Variants in TRPC5 observed in about 807,000 individuals in gnomAD.
The protein encoded by TRPC5 is transient receptor potential cation channel subfamily C member 5, also known as short transient receptor potential channel 5.
TRPC5 carries 9 observed loss-of-function variants against 56.5 expected under a neutral mutation model. That is an observed-to-expected ratio of 0.16 (90% CI 0.10 to 0.28). The LOEUF is 0.28. Among genes scored for constraint, TRPC5 ranks in the 10% least tolerant of loss-of-function variants. The pLI is 1.00. For synonymous variants in TRPC5, 282 were observed against 278.5 expected, an observed-to-expected ratio of 1.01 and a Z score of -0.13; for missense variants, 469 against 748.9, an observed-to-expected ratio of 0.63 and a Z score of 4.36.
At chrX:112,069,593 G>T (rs1196341486) in intron 1 of TRPC5, among the ~76,000 whole-genome samples, 1 of 112,205 alleles carries the variant, frequency 8.9e-6, no homozygotes, top group Non-Finnish European at 1.9e-5. Context: ...GGCCCAGTGG[G>T]CACCTTTTTA....
intron 7 of TRPC5, among the ~76,000 whole-genome samples, chrX:111,801,086 A>C (rs1443489515): frequency 4.5e-5 from 5 of 112,003 alleles, no homozygotes; most frequent in Non-Finnish European, 9.4e-5. Context: ...ACCACTAATC[A>C]TTCTACTTTC....
intron 2 of TRPC5, among the ~76,000 whole-genome samples, chrX:111,930,334 T>C (rs768735724): frequency 9.0e-6 from 1 of 111,157 alleles, no homozygotes; most frequent in Non-Finnish European, 1.9e-5. Flanking sequence ...TTTTGTATTT[T>C]AAGTAGAGAT....
At chrX:111,814,325 A>G (rs1231267308) in intron 7 of TRPC5, among the ~76,000 whole-genome samples, 1 of 109,072 alleles carries the variant, frequency 9.2e-6, no homozygotes, top group Non-Finnish European at 1.9e-5. Context: ...CCCTCCCACA[A>G]AACAGTCCAC....
At chrX:111,988,368 T>G (rs1304509878) in intron 1 of TRPC5, among the ~76,000 whole-genome samples, 1 of 111,338 alleles carries the variant, frequency 9.0e-6, no homozygotes, top group Non-Finnish European at 1.9e-5. Flanking sequence ...GCTCTATTGA[T>G]TGCAATCTTT....
At chrX:111,890,263 G>A (rs1924736836) in intron 3 of TRPC5, among the ~76,000 whole-genome samples, 1 of 111,901 alleles carries the variant, frequency 8.9e-6, no homozygotes, top group Non-Finnish European at 1.9e-5. Context: ...TGTGGCCCAG[G>A]ACAGCTTTGA....
chrX:111,809,472 C>T (rs1344857877), intron 7 of TRPC5, among the ~76,000 whole-genome samples: 2 of 111,439 alleles, frequency 1.8e-5, no homozygotes, highest in Admixed American at 1.9e-4. Context: ...ATGTCTCAGC[C>T]ACTATGCTCT....
intron 7 of TRPC5, among the ~76,000 whole-genome samples, chrX:111,832,808 C>T (rs1005499190): frequency 2.7e-5 from 3 of 111,094 alleles, no homozygotes; most frequent in African/African-American, 9.8e-5. Context: ...AAACTTACTA[C>T]CAGCAGGTGG....
chrX:112,018,892 A>G (rs1284880493), intron 1 of TRPC5, among the ~76,000 whole-genome samples: 1 of 111,940 alleles, frequency 8.9e-6, no homozygotes, highest in Non-Finnish European at 1.9e-5. Context: ...GCGACCTCTC[A>G]GCTCCTAGAA....
At chrX:112,007,100 G>T (rs761272569) in intron 1 of TRPC5, among the ~76,000 whole-genome samples, 6 of 110,784 alleles carry the variant, frequency 5.4e-5, no homozygotes, top group Non-Finnish European at 9.4e-5. Context: ...CTGGGGTGGT[G>T]GTGGTGAGGC....
Position 111,967,054 on chromosome X carries a change from T to C in TRPC5, c.-21-14613A>G, listed in dbSNP as rs1167001324. On this transcript the variant is annotated intron_variant, in intron 1 of 10. Transcript: ENST00000262839. The stretch of plus-strand genomic sequence containing the variant: ...AAGTCAAATTGTCCCTGTTTGCAGA[T>C]GACATGATTGTATATCTAGAAAACC... Among the ~76,000 whole-genome samples, 10 of 111,728 alleles carry C rather than the reference T, an allele frequency of 9.0e-5. No homozygotes were observed. The South Asian group carries it at 1.1e-3, about 13-fold the overall frequency.
At chrX:111,781,262 A>AC in intron 8 of TRPC5, 56 bp from the exon 9 acceptor site, 1 of 1,030,858 alleles carries the variant, frequency 9.7e-7, no homozygotes, top group Non-Finnish European at 1.4e-6. Flanking sequence ...CACCCTACCC[A>AC]CCCAAACATC....
intron 1 of TRPC5, among the ~76,000 whole-genome samples, chrX:112,065,501 G>A (rs1187322829): frequency 9.0e-6 from 1 of 111,327 alleles, no homozygotes; most frequent in African/African-American, 3.3e-5. Flanking sequence ...CCGTTTTCTG[G>A]TCTCCTTGGC....
chrX:111,942,672 G>C (rs1926812481), intron 2 of TRPC5, among the ~76,000 whole-genome samples: 1 of 112,263 alleles, frequency 8.9e-6, no homozygotes, highest in Non-Finnish European at 1.9e-5. Flanking sequence ...ACTTTGGCCA[G>C]TATGATGCCA....
intron 1 of TRPC5, among the ~76,000 whole-genome samples, chrX:112,043,992 A>G (rs189632824): frequency 8.9e-5 from 10 of 111,981 alleles, no homozygotes; most frequent in African/African-American, 2.9e-4. Flanking sequence ...GACAGCAAAT[A>G]ACAGATTTTT....
At chrX:111,992,030 A>G (rs1473307477) in intron 1 of TRPC5, among the ~76,000 whole-genome samples, 1 of 112,553 alleles carries the variant, frequency 8.9e-6, no homozygotes, top group Non-Finnish European at 1.9e-5. Context: ...TTTAGGGTTC[A>G]GCACTGAGAA....
chrX:111,837,925 A>AG (rs1922613432), intron 6 of TRPC5, among the ~76,000 whole-genome samples: 1 of 104,911 alleles, frequency 9.5e-6, no homozygotes, highest in African/African-American at 3.5e-5. Flanking sequence ...AAAAAAAAAA[A>AG]GCCAGGTATG....
chrX:111,887,777 T>C (rs745856574), intron 3 of TRPC5, among the ~76,000 whole-genome samples: 10 of 111,950 alleles, frequency 8.9e-5, no homozygotes, highest in Non-Finnish European at 1.9e-4. Context: ...AGTCAACAAA[T>C]ATTTACTGAA....
At chrX:111,874,489 CTCCT>C (rs1234446712) in intron 3 of TRPC5, among the ~76,000 whole-genome samples, 2 of 111,969 alleles carry the variant, frequency 1.8e-5, no homozygotes, top group Non-Finnish European at 3.8e-5. Context: ...CATGTCCTTT[CTCCT>C]TCCTTCTAGG....
At chrX:111,815,950 A>C (rs1921849305) in intron 7 of TRPC5, among the ~76,000 whole-genome samples, 1 of 111,426 alleles carries the variant, frequency 9.0e-6, no homozygotes. Flanking sequence ...CTACTATGGA[A>C]AGAAGATAGG....
Sources: gnomAD v4.1 joint callset for allele counts (sites outside exome capture counted in the v4.1 genomes callset) on GRCh38, gnomAD v4.1.1 for gene constraint, MANE v1.5 for transcripts, NCBI Gene and HGNC (gene_info 2026-07-23, HGNC 2026-07-21) for gene names.